NUP153: variants seen among roughly 807,000 people sequenced by gnomAD.
The protein encoded by NUP153 is nuclear pore complex protein Nup153.
Under a neutral mutation model 134.6 loss-of-function variants are expected in NUP153, and 27 were observed. The ratio of observed to expected loss-of-function variants is 0.20; its 90% CI spans 0.15 to 0.28. The LOEUF is 0.28. Among genes scored for constraint, NUP153 ranks in the 10% least tolerant of loss-of-function variants. NUP153 has a pLI of 1.00. For missense variants in NUP153, 1,821 were observed against 1,731.3 expected (o/e 1.05, Z -0.92); for synonymous variants, 640 against 623.5 (o/e 1.03, Z -0.40).
intron 5 of NUP153, among the ~76,000 whole-genome samples, chr6:17,673,204 A>T (rs1768020124): frequency 6.6e-6 from 1 of 152,166 alleles, no homozygotes; most frequent in African/African-American, 2.4e-5. Flanking sequence ...CTCCGTCTCT[A>T]CTAAAAATAC....
At chr6:17,704,053 G>A (rs1770299574) in intron 1 of NUP153, among the ~76,000 whole-genome samples, 1 of 152,218 alleles carries the variant, frequency 6.6e-6, no homozygotes, top group Admixed American at 6.5e-5. Flanking sequence ...AGCACTTCGG[G>A]AGGCCGAAGC....
intron 10 of NUP153, 113 bp downstream of exon 10, chr6:17,661,905 T>C: frequency 6.3e-6 from 8 of 1,279,238 alleles, no homozygotes; most frequent in Non-Finnish European, 8.8e-6. Flanking sequence ...TTAGATTTCT[T>C]TATATAAAGT....
At chr6:17,639,377 C>A (rs1215183104) in intron 15 of NUP153, among the ~76,000 whole-genome samples, 1 of 152,216 alleles carries the variant, frequency 6.6e-6, no homozygotes, top group South Asian at 2.1e-4. Context: ...CCGCGCCTGG[C>A]AAGTTTTACA....
chr6:17,659,847 A>C (rs935336113), intron 11 of NUP153, among the ~76,000 whole-genome samples: 2 of 152,196 alleles, frequency 1.3e-5, no homozygotes, highest in Non-Finnish European at 2.9e-5. Flanking sequence ...AAACCTATAA[A>C]ATTTATATAC....
At chr6:17,676,326 T>C (rs1581746505) in intron 2 of NUP153, among the ~76,000 whole-genome samples, 1 of 152,146 alleles carries the variant, frequency 6.6e-6, no homozygotes, top group East Asian at 1.9e-4. Context: ...AAGCCACTGT[T>C]ACCACATACT....
chr6:17,687,336 C>T (rs1405082571), intron 2 of NUP153, among the ~76,000 whole-genome samples: 1 of 152,120 alleles, frequency 6.6e-6, no homozygotes, highest in Admixed American at 6.6e-5. Context: ...AAAGAAAAGC[C>T]AGAGTCCCTT....
chr6:17,697,064 C>G (rs1022739470), intron 1 of NUP153, among the ~76,000 whole-genome samples: 4 of 149,162 alleles, frequency 2.7e-5, no homozygotes, highest in African/African-American at 7.4e-5. Context: ...GAGCAAGACT[C>G]CGTCTCAAAA....
chr6:17,631,345 T>C lies in NUP153; in HGVS notation c.2659+1305A>G, dbSNP rs145845474. Among the ~76,000 whole-genome samples, 40 of 152,330 alleles carry C rather than the reference T, an allele frequency of 2.6e-4. 1 individual carries two copies. In the East Asian group the frequency reaches 6.9e-3, roughly 26 times the overall value. On this transcript the variant is annotated intron_variant, in intron 17 of 21. Coordinates refer to ENST00000262077, the MANE Select transcript of NUP153 (RefSeq NM_005124.4). ...AAGCTAATTACAAAGTAGATAAAGCTTGCTATTATTTTTGTTTAATTTGTA... is the reference window on the plus strand; with the variant it reads ...AAGCTAATTACAAAGTAGATAAAGCCTGCTATTATTTTTGTTTAATTTGTA...
chr6:17,641,272 G>A (rs1484939712), intron 14 of NUP153, among the ~76,000 whole-genome samples: 1 of 151,998 alleles, frequency 6.6e-6, no homozygotes, highest in East Asian at 1.9e-4. Flanking sequence ...ACGGGGGCCC[G>A]TGCCTGTAAT....
intron 14 of NUP153, among the ~76,000 whole-genome samples, chr6:17,644,647 A>T (rs962982368): frequency 6.8e-6 from 1 of 146,384 alleles, no homozygotes; most frequent in African/African-American, 2.8e-5. Context: ...CCACCATTAT[A>T]AAAAAACAAA....
intron 14 of NUP153, among the ~76,000 whole-genome samples, chr6:17,640,503 A>T (rs1475816368): frequency 1.3e-5 from 2 of 152,242 alleles, no homozygotes; most frequent in Non-Finnish European, 2.9e-5. Context: ...TATAATTGAA[A>T]ATATCCTTCA....
chr6:17,622,405 T>C (rs542342363), intron 20 of NUP153, among the ~76,000 whole-genome samples: 2 of 152,252 alleles, frequency 1.3e-5, no homozygotes, highest in East Asian at 1.9e-4. Context: ...GTTGAGGCAG[T>C]AGTGAGCCGA....
intron 20 of NUP153, among the ~76,000 whole-genome samples, chr6:17,620,415 T>C (rs148303907): frequency 6.6e-6 from 1 of 152,170 alleles, no homozygotes; most frequent in Non-Finnish European, 1.5e-5. Context: ...CTTCAGTAAA[T>C]GGTGCTTGGA....
At chr6:17,694,389 T>G (rs1373159208) in intron 1 of NUP153, among the ~76,000 whole-genome samples, 2 of 152,264 alleles carry the variant, frequency 1.3e-5, no homozygotes, top group South Asian at 4.1e-4. Context: ...CTGGGCCCGG[T>G]GGCTCACGCC....
At chr6:17,658,810 C>T (rs1561881782) in intron 11 of NUP153, among the ~76,000 whole-genome samples, 3 of 152,250 alleles carry the variant, frequency 2.0e-5, no homozygotes, top group African/African-American at 4.8e-5. Flanking sequence ...ATACGATAAC[C>T]GGTTACGACC....
chr6:17,629,079 C>T lies in NUP153; in HGVS notation c.3120G>A (p.Val1040=), dbSNP rs746775504. The T allele has an allele frequency of 6.2e-7, 1 of 1,614,158 alleles. No individual in the cohort carries two copies. The highest frequency in any genetic ancestry group is 8.5e-7 in the Non-Finnish European group (1 of 1,180,006). ...TGAAGCTGCTCTTGTTCTCAGAGGT[C>T]ACTATGGTGTTAGCAGGAGCAGGGG... is the stretch of plus-strand genomic sequence containing the variant. ...NSTPAPANTI[V]TSENKSSFNL... is the part of the protein sequence containing the mutation. The change falls in exon 18 of 22, where the codon GTG becomes GTA. Residue 1040 remains valine, a synonymous_variant. Transcript: ENST00000262077.
At chr6:17,704,142 A>G (rs993168665) in intron 1 of NUP153, among the ~76,000 whole-genome samples, 6 of 152,288 alleles carry the variant, frequency 3.9e-5, no homozygotes, top group Middle Eastern at 3.4e-3. Context: ...AATACAAAAA[A>G]TTAGCTGGGC....
chr6:17,620,790 G>A (rs1339540879), intron 20 of NUP153, among the ~76,000 whole-genome samples: 1 of 152,058 alleles, frequency 6.6e-6, no homozygotes, highest in African/African-American at 2.4e-5. Flanking sequence ...CAAAAGATAG[G>A]ACCCCCCTGG....
Position 17,702,462 on chromosome 6 carries a change from C to T in NUP153, c.111+3815G>A, listed in dbSNP as rs146088300. ...GGCAGAGCTTGCAGTGAGCAGAGATCGTGCCACTGCACTCCAGCCTGGGTG... is the reference window on the plus strand; with the variant it reads ...GGCAGAGCTTGCAGTGAGCAGAGATTGTGCCACTGCACTCCAGCCTGGGTG... On this transcript the variant is annotated intron_variant, in intron 1 of 21. Coordinates refer to ENST00000262077, the MANE Select transcript of NUP153 (RefSeq NM_005124.4). 5.7e-3 allele frequency among the ~76,000 whole-genome samples: 862 copies of T among 151,392 alleles called. 4 individuals carry two copies. The highest frequency in any genetic ancestry group is 0.019 in the African/African-American group (797 of 41,304).
Sources: allele counts gnomAD v4.1 joint callset (sites outside exome capture counted in the v4.1 genomes callset), GRCh38; gene constraint gnomAD v4.1.1; transcripts MANE v1.5; gene names NCBI Gene and HGNC (gene_info 2026-07-23, HGNC 2026-07-21).